Variants in BLTP2 observed in about 807,000 individuals in gnomAD.
BLTP2 encodes bridge-like lipid transfer protein family member 2, also known as U937-associated antigen.
the BLTP2 span, chr17:28,617,413 C>T: frequency 1.7e-5 from 14 of 838,434 alleles, no homozygotes; most frequent in African/African-American, 2.0e-4. Context: ...TCAGGCTCTA[C>T]ATATGCCTAA....
At chr17:28,629,547 A>G in the BLTP2 span, among the ~76,000 whole-genome samples, 1 of 152,154 alleles carries the variant, frequency 6.6e-6, no homozygotes. Context: ...GTGCGATCTC[A>G]GCTGGCTGCA....
At chr17:28,620,904 TCTA>T in the BLTP2 span, 1 of 1,302,432 alleles carries the variant, frequency 7.7e-7, no homozygotes, top group African/African-American at 1.5e-5. Flanking sequence ...TTTTAATAAC[TCTA>T]CTGTCTCAAA....
the BLTP2 span, chr17:28,638,038 A>C: frequency 3.7e-6 from 6 of 1,614,236 alleles, no homozygotes; most frequent in Non-Finnish European, 5.1e-6. Context: ...TGGTACAATC[A>C]AGAAAAAGGG....
chr17:28,616,592 T>C, the BLTP2 span: 1 of 1,614,104 alleles, frequency 6.2e-7, no homozygotes, highest in Non-Finnish European at 8.5e-7. This position sits in a 1 kb window ranked among gnomAD's most constrained non-coding sequence, Gnocchi z 4.8. Flanking sequence ...CCTATTCTTC[T>C]GGGGCTCCAC....
the BLTP2 span, chr17:28,628,138 G>A: frequency 8.5e-6 from 7 of 824,804 alleles, no homozygotes; most frequent in Non-Finnish European, 1.3e-5. Context: ...GCCTAAGAAG[G>A]AAAAATAATA....
chr17:28,628,329 G>A, the BLTP2 span: 4 of 1,614,088 alleles, frequency 2.5e-6, no homozygotes, highest in Non-Finnish European at 3.4e-6. Flanking sequence ...GTGGGGCTGA[G>A]GCACTAGTTG....
the BLTP2 span, chr17:28,617,527 C>G: frequency 4.2e-6 from 2 of 475,122 alleles, no homozygotes; most frequent in Non-Finnish European, 7.5e-6. Flanking sequence ...GTAGTACTAT[C>G]TAGCCATTGT....
chr17:28,631,507 T>C, the BLTP2 span: 1 of 1,614,022 alleles, frequency 6.2e-7, no homozygotes, highest in Non-Finnish European at 8.5e-7. Flanking sequence ...GCTATGCCGT[T>C]GGTAGGTGAG....
the BLTP2 span, chr17:28,634,119 T>C: frequency 6.3e-7 from 1 of 1,587,726 alleles, no homozygotes; most frequent in Non-Finnish European, 8.6e-7. Context: ...CACTGGCTAC[T>C]CAGGGGCAGT....
At chr17:28,645,060 G>C in the BLTP2 span, 1 of 1,591,920 alleles carries the variant, frequency 6.3e-7, no homozygotes, top group Non-Finnish European at 8.5e-7. Flanking sequence ...GAGGCATTTA[G>C]GTCCGGGTCC....
the BLTP2 span, among the ~76,000 whole-genome samples, chr17:28,628,959 G>A: frequency 5.3e-5 from 8 of 151,836 alleles, no homozygotes; most frequent in African/African-American, 9.7e-5. Flanking sequence ...TTCACTGGGC[G>A]TGGTGGGGAG....
chr17:28,640,594 T>C, the BLTP2 span: 5 of 1,614,162 alleles, frequency 3.1e-6, no homozygotes, highest in Non-Finnish European at 4.2e-6. Context: ...ACCACGCTTG[T>C]GTTCTCCATC....
chr17:28,628,522 G>T, the BLTP2 span: 4 of 1,614,178 alleles, frequency 2.5e-6, no homozygotes, highest in Non-Finnish European at 3.4e-6. Context: ...CAGCTGATGT[G>T]TATGAAAGGT....
the BLTP2 span, among the ~76,000 whole-genome samples, chr17:28,625,062 G>GAC: frequency 6.6e-6 from 1 of 152,126 alleles, no homozygotes; most frequent in Non-Finnish European, 1.5e-5. Flanking sequence ...ACGGGGCCAG[G>GAC]CGCGGTGGCT....
At chr17:28,618,776 A>G in the BLTP2 span, 7 of 1,605,548 alleles carry the variant, frequency 4.4e-6, no homozygotes, top group South Asian at 7.7e-5. Context: ...TTGTGTGACC[A>G]TATACCCCAG....
the BLTP2 span, chr17:28,623,850 T>A: frequency 1.2e-6 from 2 of 1,614,192 alleles, no homozygotes; most frequent in Non-Finnish European, 1.7e-6. Context: ...AAGTCCAGGA[T>A]GTCTTTTGCT....
At chr17:28,621,486 C>T in the BLTP2 span, 3 of 1,613,918 alleles carry the variant, frequency 1.9e-6, no homozygotes, top group Admixed American at 1.7e-5. Flanking sequence ...CGGTGCTCCT[C>T]GATATTCTTC....
the BLTP2 span, chr17:28,639,737 C>CT: frequency 7.1e-7 from 1 of 1,418,060 alleles, no homozygotes; most frequent in African/African-American, 1.4e-5. Flanking sequence ...GATCAACAGA[C>CT]TGTCATCAAA....
the BLTP2 span, chr17:28,621,175 G>A: frequency 1.2e-6 from 2 of 1,612,892 alleles, no homozygotes; most frequent in Non-Finnish European, 1.7e-6. Context: ...TCCAATCTGG[G>A]AAGAGGTGGG....
Sources: gnomAD v4.1 joint callset for allele counts (sites outside exome capture counted in the v4.1 genomes callset) on GRCh38, gnomAD v4.1.1 for gene constraint, Gnocchi (gnomAD v3.1) non-coding constraint, MANE v1.5 for transcripts, NCBI Gene and HGNC (gene_info 2026-07-23, HGNC 2026-07-21) for gene names.